The following MRPS31 variants were observed in gnomAD, a reference collection of about 807,000 sequenced individuals.
The protein encoded by MRPS31 is small ribosomal subunit protein mS31.
MRPS31 carries 32 observed loss-of-function variants against 43.1 expected under a neutral mutation model. The observed-to-expected ratio is 0.74, with a 90% CI of 0.56 to 1.00. The LOEUF (loss-of-function observed/expected upper bound fraction) is 1.00. MRPS31 is among the 50% of genes least tolerant of loss of function. The probability of loss-of-function intolerance (pLI) is 0.00; values close to 1 mark genes in which losing one functional copy is unlikely to be tolerated. For missense variants in MRPS31, 437 were observed against 466.7 expected (o/e 0.94, Z 0.59); for synonymous variants, 165 against 161.6 (o/e 1.02, Z -0.16).
rs1261388984 is a variant in MRPS31 at position 40,759,833 on chromosome 13, G to C, written c.441-727C>G. The stretch of plus-strand genomic sequence containing the variant: ...TAACCAGTTCGCAGAAACTTTACTG[G>C]AACCAACCTAAAAGTCTATCATCAG... On this transcript the variant is annotated intron_variant, in intron 2 of 6. Transcript: ENST00000323563. Among the ~76,000 whole-genome samples, 3 of 152,032 alleles carry C rather than the reference G, an allele frequency of 2.0e-5. No individual in the cohort carries two copies. In the East Asian group the frequency reaches 5.8e-4, roughly 29 times the overall value.
At chr13:40,740,481 G>A (rs1302863388) in intron 6 of MRPS31, among the ~76,000 whole-genome samples, 1 of 136,754 alleles carries the variant, frequency 7.3e-6, no homozygotes, top group Non-Finnish European at 1.5e-5. Flanking sequence ...AAAGACAAAT[G>A]CACACGTATG....
At chr13:40,751,753 AAAACCATTCTTT>A (rs1880396936) in intron 5 of MRPS31, among the ~76,000 whole-genome samples, 2 of 152,224 alleles carry the variant, frequency 1.3e-5, no homozygotes, top group Admixed American at 1.3e-4. Flanking sequence ...ATTGGGAACA[AAAACCATTCTTT>A]AGACTCATGC....
intron 6 of MRPS31, among the ~76,000 whole-genome samples, chr13:40,738,688 T>C (rs915702970): frequency 4.6e-5 from 7 of 152,122 alleles, no homozygotes; most frequent in African/African-American, 1.7e-4. Context: ...AGACAAAAAC[T>C]ACATGATTAT....
intron 5 of MRPS31, among the ~76,000 whole-genome samples, chr13:40,752,708 G>A (rs780121437): frequency 2.6e-5 from 4 of 151,918 alleles, no homozygotes; most frequent in Non-Finnish European, 4.4e-5. Context: ...TTGGAGGCCC[G>A]CCTAGGAACT....
chr13:40,756,865 C>T lies in MRPS31; in HGVS notation c.740+8G>A. 1 of 1,612,658 alleles carries T rather than the reference C, an allele frequency of 6.2e-7. No homozygotes were observed. On this transcript the variant is annotated splice_region_variant and intron_variant, in intron 4 of 6. Transcript: ENST00000323563. ...AAACAAAACCCAGCAGATTACAAAG[C>T]CTGATACCTTTTTTTAAGATCATCC...
intron 6 of MRPS31, among the ~76,000 whole-genome samples, chr13:40,748,882 C>G (rs1880311320): frequency 1.3e-5 from 2 of 152,174 alleles, no homozygotes; most frequent in South Asian, 4.1e-4. Context: ...AGTTCTCAGT[C>G]CTTTTACGTC....
intron 3 of MRPS31, 118 bp downstream of exon 3, chr13:40,758,830 T>C: frequency 7.4e-6 from 7 of 943,632 alleles, no homozygotes; most frequent in Non-Finnish European, 1.0e-5. Flanking sequence ...TTATGTGGTA[T>C]ATTTTATATA....
chr13:40,760,928 T>C (rs938208317), intron 2 of MRPS31, among the ~76,000 whole-genome samples: 1 of 152,074 alleles, frequency 6.6e-6, no homozygotes, highest in Non-Finnish European at 1.5e-5. Flanking sequence ...TTTAAGGACT[T>C]AACTAAGTTA....
Position 40,771,177 on chromosome 13 carries a change from T to A in MRPS31, c.-41A>T. On this transcript the variant is annotated 5_prime_UTR_variant, in exon 1 of 7. Transcript: ENST00000323563. ...TGAACCAAGAACACAACTGAAATGG[T>A]GCGTCCCGCTGCCAAACACGTCCCC... 1 of 1,544,988 alleles carries A rather than the reference T, an allele frequency of 6.5e-7. No individual in the cohort carries two copies. Among genetic ancestry groups the A allele is most frequent in the Non-Finnish European group, 8.8e-7 (1 of 1,141,930 alleles).
chr13:40,765,466 A>G (rs938703844), intron 2 of MRPS31, among the ~76,000 whole-genome samples: 1 of 152,228 alleles, frequency 6.6e-6, no homozygotes, highest in Admixed American at 6.5e-5. Flanking sequence ...GATGGATCAT[A>G]AACAGGTCTA....
At chr13:40,758,387 G>C (rs1169555310) in intron 3 of MRPS31, among the ~76,000 whole-genome samples, 2 of 152,048 alleles carry the variant, frequency 1.3e-5, no homozygotes, top group African/African-American at 4.8e-5. Context: ...AAATAAATCT[G>C]GTATACACGT....
intron 6 of MRPS31, among the ~76,000 whole-genome samples, chr13:40,734,571 G>C (rs1387759952): frequency 6.6e-6 from 1 of 152,204 alleles, no homozygotes; most frequent in Non-Finnish European, 1.5e-5. Flanking sequence ...AGTGGGAACA[G>C]GAAAGAATAT....
In MRPS31 at chr13:40,729,233, T is replaced by C; in HGVS notation, c.*139A>G. ...CAAGAATATTTTTCAGTTACCATCA[T>C]ATTTTTGAAAACAATGTAACATTTA... On this transcript the variant is annotated 3_prime_UTR_variant, in exon 7 of 7. Transcript: ENST00000323563. 1.9e-6 allele frequency: 1 copy of C among 522,828 alleles called. No homozygotes were observed. Among genetic ancestry groups the C allele is most frequent in the South Asian group, 3.5e-5 (1 of 28,926 alleles). 32.4% of individuals were successfully genotyped at this position (522,828 alleles called of 1,614,324 possible). A position where few individuals can be genotyped will look rare whatever the true frequency, so the allele number is the denominator to read the frequency against.
At chr13:40,762,651 G>T (rs1880730704) in intron 2 of MRPS31, among the ~76,000 whole-genome samples, 1 of 151,876 alleles carries the variant, frequency 6.6e-6, no homozygotes, top group Admixed American at 6.6e-5. Context: ...GGCAGGGCTG[G>T]TCTTAAACTC....
intron 2 of MRPS31, among the ~76,000 whole-genome samples, chr13:40,761,052 G>A (rs1268595022): frequency 2.0e-5 from 3 of 151,782 alleles, no homozygotes; most frequent in Non-Finnish European, 4.4e-5. Flanking sequence ...TGAGGCGGGA[G>A]GATCGCTTGA....
At chr13:40,736,964 C>A (rs1447491501) in intron 6 of MRPS31, among the ~76,000 whole-genome samples, 1 of 150,734 alleles carries the variant, frequency 6.6e-6, no homozygotes, top group Non-Finnish European at 1.5e-5. Flanking sequence ...ACTAAATGCT[C>A]CAATTAAAAG....
intron 6 of MRPS31, among the ~76,000 whole-genome samples, chr13:40,741,696 T>G (rs1366254416): frequency 6.6e-6 from 1 of 152,128 alleles, no homozygotes; most frequent in Non-Finnish European, 1.5e-5. Flanking sequence ...CTATTCTGAA[T>G]TGTACTCAAA....
chr13:40,766,854 C>G lies in MRPS31; in HGVS notation c.332G>C (p.Ser111Thr). Residue 111 changes from serine to threonine, a missense_variant, in exon 2 of 7, where the codon AGC becomes ACC. Transcript: ENST00000323563. ...GIIKGMKVEL[S>T]TVNVRTTKPP... is the part of the protein sequence containing the mutation. ...CTTTGTTGTTCGTACATTTACTGTG[C>G]TTAATTCAACTTTCATGCCCTTAAT... 6.2e-7 allele frequency: 1 copy of G among 1,614,120 alleles called. No homozygotes were observed. The highest frequency in any genetic ancestry group is 8.5e-7 in the Non-Finnish European group (1 of 1,180,008).
chr13:40,762,871 C>T (rs909854670), intron 2 of MRPS31, among the ~76,000 whole-genome samples: 1 of 150,580 alleles, frequency 6.6e-6, no homozygotes, highest in Admixed American at 6.6e-5. Context: ...CTACATCCCT[C>T]CCCCCATTTT....
Sources: allele counts gnomAD v4.1 joint callset (sites outside exome capture counted in the v4.1 genomes callset), GRCh38; gene constraint gnomAD v4.1.1; transcripts MANE v1.5; gene names NCBI Gene and HGNC (gene_info 2026-07-23, HGNC 2026-07-21).